Variants in CSMD1 observed in about 807,000 individuals in gnomAD.
The protein encoded by CSMD1 is CUB and Sushi multiple domains 1.
Under a neutral mutation model 417.5 loss-of-function variants are expected in CSMD1, and 213 were observed. The ratio of observed to expected loss-of-function variants is 0.51; its 90% confidence interval spans 0.46 to 0.57. The LOEUF (loss-of-function observed/expected upper bound fraction) is 0.57. CSMD1 is among the 20% of genes least tolerant of loss of function. The pLI is 0.00. For synonymous variants in CSMD1, 2,862 were observed against 1,736.8 expected, an observed-to-expected ratio of 1.65 and a Z score of -16.11; for missense variants, 6,923 against 4,529.7, an observed-to-expected ratio of 1.53 and a Z score of -15.17.
chr8:3,681,880 A>T (rs1439921897), intron 7 of CSMD1, among the ~76,000 whole-genome samples: 1 of 152,178 alleles, frequency 6.6e-6, no homozygotes, highest in Non-Finnish European at 1.5e-5. Flanking sequence ...CCTCAGAAAT[A>T]ATACCACACA....
intron 3 of CSMD1, among the ~76,000 whole-genome samples, chr8:4,368,582 G>C (rs998262272): frequency 2.6e-5 from 4 of 152,054 alleles, no homozygotes; most frequent in Admixed American, 6.6e-5. Context: ...GTAAAATTCG[G>C]CTTTGAATAC....
intron 5 of CSMD1, among the ~76,000 whole-genome samples, chr8:3,960,360 A>G (rs1788044235): frequency 6.6e-6 from 1 of 152,122 alleles, no homozygotes; most frequent in South Asian, 2.1e-4. Context: ...TTTCCTCATC[A>G]CGCTACTACT....
At chr8:4,489,714 C>T (rs1154088) in intron 2 of CSMD1, among the ~76,000 whole-genome samples, 1 of 152,004 alleles carries the variant, frequency 6.6e-6, no homozygotes, top group South Asian at 2.1e-4. Flanking sequence ...ACCCTCCCTG[C>T]TCACACCCTG....
At chr8:3,377,128 C>G (rs1435801739) in intron 18 of CSMD1, among the ~76,000 whole-genome samples, 1 of 152,120 alleles carries the variant, frequency 6.6e-6, no homozygotes, top group African/African-American at 2.4e-5. Flanking sequence ...CCTGCCTCAG[C>G]GTCCTGAACC....
At chr8:4,155,507 A>T (rs893983873) in intron 3 of CSMD1, among the ~76,000 whole-genome samples, 2 of 152,212 alleles carry the variant, frequency 1.3e-5, no homozygotes, top group African/African-American at 4.8e-5. Context: ...TATCGTTCTT[A>T]AACGCCAAAC....
intron 5 of CSMD1, among the ~76,000 whole-genome samples, chr8:3,890,466 G>A (rs889486043): frequency 6.6e-6 from 1 of 151,902 alleles, no homozygotes; most frequent in African/African-American, 2.4e-5. Flanking sequence ...TTCCAGCTGA[G>A]TGAGGGAAGT....
At chr8:3,279,565 G>A (rs1055231566) in intron 26 of CSMD1, among the ~76,000 whole-genome samples, 1 of 152,090 alleles carries the variant, frequency 6.6e-6, no homozygotes, top group African/African-American at 2.4e-5. Context: ...GCCTAAGGTT[G>A]GGTTTGGAAA....
chr8:4,434,330 C>A (rs1036809066), intron 2 of CSMD1, among the ~76,000 whole-genome samples: 7 of 152,260 alleles, frequency 4.6e-5, no homozygotes, highest in African/African-American at 1.7e-4. Context: ...TGCACCATTA[C>A]ACTCCAGCCT....
chr8:3,794,742 C>A (rs1424042881), intron 5 of CSMD1, among the ~76,000 whole-genome samples: 1 of 152,044 alleles, frequency 6.6e-6, no homozygotes, highest in Non-Finnish European at 1.5e-5. Context: ...ACAGTTGCAA[C>A]TTCCAGGTCA....
intron 5 of CSMD1, among the ~76,000 whole-genome samples, chr8:3,773,128 C>T (rs898725625): frequency 3.3e-5 from 5 of 152,162 alleles, no homozygotes; most frequent in African/African-American, 4.8e-5. Context: ...CTCATCTCTT[C>T]GCCAAGTCTC....
chr8:3,311,304 C>A (rs1420750524), intron 23 of CSMD1, among the ~76,000 whole-genome samples: 1 of 152,074 alleles, frequency 6.6e-6, no homozygotes, highest in Non-Finnish European at 1.5e-5. Context: ...GGCTGGAATG[C>A]AGTGGCATGA....
intron 1 of CSMD1, among the ~76,000 whole-genome samples, chr8:4,887,307 C>T (rs879733345): frequency 1.3e-5 from 2 of 151,990 alleles, no homozygotes; most frequent in Non-Finnish European, 2.9e-5. Flanking sequence ...GCTTTTAACT[C>T]AATTACAATG....
intron 6 of CSMD1, among the ~76,000 whole-genome samples, chr8:3,723,340 G>C (rs1294064534): frequency 6.6e-6 from 1 of 152,038 alleles, no homozygotes; most frequent in East Asian, 1.9e-4. Context: ...ATTAGGTCAG[G>C]GCCGCTGAGC....
chr8:4,988,304 C>G (rs1423766395), intron 1 of CSMD1, among the ~76,000 whole-genome samples: 2 of 152,152 alleles, frequency 1.3e-5, no homozygotes, highest in Non-Finnish European at 2.9e-5. Flanking sequence ...TCAAAGTATC[C>G]AAGGATATTT....
At chr8:2,962,701 A>G in intron 60 of CSMD1, 62 bp from the exon 61 acceptor site, 2 of 1,514,874 alleles carry the variant, frequency 1.3e-6, no homozygotes, top group Non-Finnish European at 1.8e-6. Flanking sequence ...TCACCAATTG[A>G]GCTTGGTAAC....
At chr8:4,329,323 A>T (rs893912367) in intron 3 of CSMD1, among the ~76,000 whole-genome samples, 10 of 152,150 alleles carry the variant, frequency 6.6e-5, no homozygotes, top group Non-Finnish European at 1.3e-4. Flanking sequence ...GAGTCTTGCT[A>T]TCTCACCCAG....
chr8:4,157,846 A>G (rs1323524843), intron 3 of CSMD1, among the ~76,000 whole-genome samples: 1 of 152,112 alleles, frequency 6.6e-6, no homozygotes, highest in Non-Finnish European at 1.5e-5. Context: ...CCACAGGAAA[A>G]CAGGATGCTG....
intron 2 of CSMD1, among the ~76,000 whole-genome samples, chr8:4,456,590 G>A (rs889805142): frequency 7.2e-5 from 11 of 152,084 alleles, no homozygotes; most frequent in African/African-American, 2.7e-4. Context: ...CACAAACACG[G>A]CTGTAGGGAT....
At chr8:4,220,179 G>A (rs528652922) in intron 3 of CSMD1, among the ~76,000 whole-genome samples, 1 of 152,290 alleles carries the variant, frequency 6.6e-6, no homozygotes, top group East Asian at 1.9e-4. Flanking sequence ...TTGAACTCCT[G>A]ACGTCAGGTG....
Sources: allele counts gnomAD v4.1 joint callset (sites outside exome capture counted in the v4.1 genomes callset), GRCh38; gene constraint gnomAD v4.1.1; transcripts MANE v1.5; gene names NCBI Gene and HGNC (gene_info 2026-07-23, HGNC 2026-07-21).